ARHGAP21: variants seen among roughly 807,000 people sequenced by gnomAD.
ARHGAP21 encodes rho GTPase-activating protein 21.
A neutral mutation model predicts 164.6 loss-of-function variants in ARHGAP21; 38 were observed. The observed-to-expected ratio is 0.23, with a 90% CI of 0.18 to 0.30. ARHGAP21 has a LOEUF of 0.30. Among genes scored for constraint, ARHGAP21 ranks in the 10% least tolerant of loss-of-function variants. ARHGAP21 has a pLI of 1.00. For missense variants in ARHGAP21, 1,822 were observed against 2,370.7 expected (o/e 0.77, Z 4.81); for synonymous variants, 766 against 857.9 (o/e 0.89, Z 1.87).
At position 24,586,029 on chromosome 10, in the gene ARHGAP21, C is replaced by T. The variant is rs761397100; in HGVS notation, c.4260G>A (p.Lys1420=). Residue 1420 remains lysine, a synonymous_variant, in exon 26 of 26, where the codon AAG becomes AAA. Coordinates refer to ENST00000396432, the MANE Select transcript of ARHGAP21 (RefSeq NM_020824.4). Reference sequence around the variant, plus strand: ...GTGCTTTTTCTTTCGGCTTCTTCCTCTTGCGACTAGCAGCTGCAAAGATGG... The same window carrying T: ...GTGCTTTTTCTTTCGGCTTCTTCCTTTTGCGACTAGCAGCTGCAAAGATGG... ...VSSIFAAASR[K]RKKPKEKAQP... is the part of the protein sequence containing the mutation. 41 of 1,614,124 alleles carry T rather than the reference C, an allele frequency of 2.5e-5. No homozygotes were observed. Among genetic ancestry groups the T allele is most frequent in the Non-Finnish European group, 3.5e-5 (41 of 1,180,034 alleles).
At chr10:24,680,655 C>T (rs1443201403) in intron 2 of ARHGAP21, among the ~76,000 whole-genome samples, 1 of 152,086 alleles carries the variant, frequency 6.6e-6, no homozygotes, top group Non-Finnish European at 1.5e-5. Context: ...TAGAGGGTTA[C>T]ATTTCTATGG....
intron 9 of ARHGAP21, among the ~76,000 whole-genome samples, chr10:24,618,702 G>A (rs1223486896): frequency 6.6e-6 from 1 of 152,184 alleles, no homozygotes; most frequent in East Asian, 1.9e-4. Flanking sequence ...AGGAGATCAC[G>A]AAGTAGGATC....
chr10:24,668,966 C>T (rs544657583), intron 3 of ARHGAP21, among the ~76,000 whole-genome samples: 10 of 152,258 alleles, frequency 6.6e-5, no homozygotes, highest in Admixed American at 2.0e-4. Context: ...TTATCAAGTG[C>T]TCTCATATGT....
chr10:24,591,250 T>C lies in ARHGAP21; in HGVS notation c.4125A>G (p.Thr1375=), dbSNP rs745568426. The C allele has an allele frequency of 2.5e-6, 4 of 1,612,372 alleles. No homozygotes were observed. The South Asian group carries it at 4.4e-5, about 18-fold the overall frequency. The change falls in exon 24 of 26, where the codon ACA becomes ACG. Residue 1375 remains threonine, a synonymous_variant. Coordinates refer to ENST00000396432, the MANE Select transcript of ARHGAP21 (RefSeq NM_020824.4). ...IDHLLTNIGR[T]GVSPGDVSDS... ...CTGATACATCTCCTGGGGAGACTCC[T>C]GTCCTTCCAATGTTGGTGAGTAAAT...
chr10:24,596,127 C>T (rs2076568441), intron 17 of ARHGAP21, 84 bp from the exon 18 acceptor site: 2 of 1,193,172 alleles, frequency 1.7e-6, no homozygotes, highest in Admixed American at 5.9e-5. Flanking sequence ...CCCCTTTCAT[C>T]CAAAAGGAAA....
At chr10:24,640,121 C>T (rs1836842725) in intron 4 of ARHGAP21, 1 of 151,688 alleles carries the variant, frequency 6.6e-6, no homozygotes, top group Admixed American at 6.6e-5. Context: ...GAAAAACTAT[C>T]CCACATTTTA....
At chr10:24,601,926 T>A in intron 13 of ARHGAP21, 52 bp downstream of exon 13, 1 of 1,446,714 alleles carries the variant, frequency 6.9e-7, no homozygotes, top group Non-Finnish European at 9.2e-7. Flanking sequence ...TTATGGTTTA[T>A]TTGTCAGGGT....
At chr10:24,694,922 G>A (rs1020335397) in intron 2 of ARHGAP21, among the ~76,000 whole-genome samples, 9 of 151,648 alleles carry the variant, frequency 5.9e-5, no homozygotes, top group East Asian at 5.8e-4. Context: ...ATGCTGGCAC[G>A]CACCTGTCAT....
At chr10:24,702,900 A>G (rs1452056237) in intron 2 of ARHGAP21, among the ~76,000 whole-genome samples, 1 of 152,226 alleles carries the variant, frequency 6.6e-6, no homozygotes, top group Non-Finnish European at 1.5e-5. Context: ...TTTAAAACAC[A>G]AAGATATTCA....
At chr10:24,607,459 C>T in intron 11 of ARHGAP21, 40 bp downstream of exon 11, 5 of 1,547,162 alleles carry the variant, frequency 3.2e-6, no homozygotes, top group Non-Finnish European at 4.5e-6. Flanking sequence ...TGAACACCCA[C>T]CCACATACAA....
intron 4 of ARHGAP21, among the ~76,000 whole-genome samples, chr10:24,666,523 T>C (rs777346067): frequency 5.9e-5 from 9 of 152,214 alleles, no homozygotes; most frequent in Non-Finnish European, 1.3e-4. Context: ...AATAATTTTA[T>C]CTCCAGCCTG....
chr10:24,707,143 A>T (rs1844318546), intron 2 of ARHGAP21, among the ~76,000 whole-genome samples: 1 of 152,180 alleles, frequency 6.6e-6, no homozygotes. Context: ...TTCTCTTACT[A>T]CTTCTTTAAC....
rs1255672155 is a variant in ARHGAP21 at position 24,584,786 on chromosome 10, C to T, written c.5503G>A (p.Val1835Ile). 6.2e-6 allele frequency: 10 copies of T among 1,613,880 alleles called. No homozygotes were observed. The highest frequency in any genetic ancestry group is 8.5e-6 in the Non-Finnish European group (10 of 1,179,882). Residue 1835 changes from valine (V) to isoleucine (I), a missense_variant, in exon 26 of 26, where the codon GTA becomes ATA. Transcript: ENST00000396432. ...GAGCATTTTGGTTTTAACCGGTTTA[C>T]AGCTGAAAGTTCAGATTCTCTCTCC... ...SGERESELSA[V>I]NRLKPKCSAQ...
chr10:24,616,877 G>C (rs1002021795), intron 9 of ARHGAP21, among the ~76,000 whole-genome samples: 1 of 152,090 alleles, frequency 6.6e-6, no homozygotes, highest in Non-Finnish European at 1.5e-5. Flanking sequence ...AAAGTGGGGG[G>C]TGGGAACAGT....
chr10:24,673,368 A>G (rs1269843837), intron 2 of ARHGAP21, among the ~76,000 whole-genome samples: 1 of 152,190 alleles, frequency 6.6e-6, no homozygotes, highest in Non-Finnish European at 1.5e-5. Context: ...CCTGCTCTAG[A>G]CCCACAACCA....
intron 3 of ARHGAP21, among the ~76,000 whole-genome samples, chr10:24,669,064 G>T (rs980080957): frequency 1.1e-4 from 16 of 151,928 alleles, no homozygotes; most frequent in African/African-American, 3.9e-4. Context: ...ATACACATTT[G>T]AGAAAACCCA....
At position 24,638,683 on chromosome 10, in the gene ARHGAP21, A is replaced by T. The variant is rs191781029; in HGVS notation, c.269-3580T>A. Among the ~76,000 whole-genome samples, 306 of 152,332 alleles carry T rather than the reference A, an allele frequency of 2.0e-3. 1 individual carries two copies. The highest frequency in any genetic ancestry group is 7.1e-3 in the African/African-American group (295 of 41,574). ...TTTGAGAACACATGGGACATGTTTC[A>T]AAGAACTGTTAAATACCTTATTCAA... is the stretch of plus-strand genomic sequence containing the variant. On this transcript the variant is annotated intron_variant, in intron 4 of 25. Coordinates refer to ENST00000396432, the MANE Select transcript of ARHGAP21 (RefSeq NM_020824.4).
chr10:24,614,780 C>T (rs1265131777), intron 9 of ARHGAP21, among the ~76,000 whole-genome samples: 6 of 79,964 alleles, frequency 7.5e-5, no homozygotes, highest in Non-Finnish European at 1.5e-4. Flanking sequence ...GAGACTCCAT[C>T]TCAAAAAAAA....
chr10:24,635,416 A>G (rs1206101315), intron 4 of ARHGAP21, among the ~76,000 whole-genome samples: 2 of 152,232 alleles, frequency 1.3e-5, no homozygotes, highest in African/African-American at 4.8e-5. Flanking sequence ...TACTACTACT[A>G]CCATTCATAA....
Sources: allele counts gnomAD v4.1 joint callset (sites outside exome capture counted in the v4.1 genomes callset), GRCh38; gene constraint gnomAD v4.1.1; transcripts MANE v1.5; gene names NCBI Gene and HGNC (gene_info 2026-07-23, HGNC 2026-07-21).